ADCK1: variants seen among roughly 807,000 people sequenced by gnomAD.
ADCK1 encodes aarF domain containing kinase 1.
A neutral mutation model predicts 52.3 loss-of-function variants in ADCK1; 41 were observed. The ratio of observed to expected loss-of-function variants is 0.78; its 90% CI spans 0.61 to 1.02. The LOEUF (loss-of-function observed/expected upper bound fraction) is 1.02. Among genes scored for constraint, ADCK1 ranks in the 50% least tolerant of loss-of-function variants. The pLI is 0.00. For missense variants in ADCK1, 658 were observed against 679.5 expected (o/e 0.97, Z 0.35); for synonymous variants, 250 against 274.6 (o/e 0.91, Z 0.89).
chr14:77,826,305 A>T (rs554093121), intron 3 of ADCK1, among the ~76,000 whole-genome samples: 1 of 152,230 alleles, frequency 6.6e-6, no homozygotes, highest in Non-Finnish European at 1.5e-5. Flanking sequence ...AGTGAAGGGT[A>T]AAACATAGTT....
intron 6 of ADCK1, 24 bp downstream of exon 6, chr14:77,899,282 G>T: frequency 6.2e-7 from 1 of 1,613,068 alleles, no homozygotes; most frequent in South Asian, 1.1e-5. Context: ...TGCAATGCAG[G>T]GTATGGTGGT....
chr14:77,924,463 C>T lies in ADCK1; in HGVS notation c.865C>T (p.Arg289Cys), dbSNP rs755185469. The change falls in exon 8 of 11, where the codon CGC becomes TGC. Residue 289 changes from arginine to cysteine, a missense_variant. Physicochemically the swap from Arg to Cys is radical, Grantham distance 180. Transcript: ENST00000238561. ...RNKIDVNEIS[R>C]HLGKMYSEMI... is the part of the protein sequence containing the mutation. ...TGCCCCTCTTCTCTTTCAGATCTCA[C>T]GCCACCTGGGCAAGATGTATAGTGA... 1.6e-5 allele frequency: 26 copies of T among 1,613,848 alleles called. No individual in the cohort carries two copies. Among genetic ancestry groups the T allele is most frequent in the African/African-American group, 1.5e-4 (11 of 74,952 alleles).
Position 77,907,756 on chromosome 14 carries a change from G to C in ADCK1, c.742-47G>C, listed in dbSNP as rs117592165. The C allele has an allele frequency of 8.2e-6, 12 of 1,468,946 alleles. No individual in the cohort carries two copies. In the East Asian group the frequency reaches 9.2e-5, roughly 11 times the overall value. 91.0% of individuals were successfully genotyped at this position (1,468,946 alleles called of 1,614,324 possible). On this transcript the variant is annotated intron_variant, in intron 6 of 10. Coordinates refer to ENST00000238561, the MANE Select transcript of ADCK1 (RefSeq NM_020421.4). ...CTGTGCCACATTGTCATCCTTGCCC[G>C]ATTCCCAGCTTCCCCAGACCATCTG...
At chr14:77,869,268 T>A (rs1327651663) in intron 4 of ADCK1, among the ~76,000 whole-genome samples, 1 of 152,134 alleles carries the variant, frequency 6.6e-6, no homozygotes. Context: ...GCAGGGTGGG[T>A]TCCTTCTGAG....
rs979500063 is a variant in ADCK1 at position 77,923,620 on chromosome 14, C to G, written c.859-837C>G. 1 of 152,282 alleles carries G rather than the reference C, an allele frequency of 6.6e-6. No homozygotes were observed. The highest frequency in any genetic ancestry group is 2.4e-5 in the African/African-American group (1 of 41,464). 9.4% of individuals were successfully genotyped at this position (152,282 alleles called of 1,614,324 possible). ...TAGGGCAGCTTGTGTCCTGGCGTGTCAGCTTTCTGGGTCGAGCATCTCTTT... is the reference window on the plus strand; with the variant it reads ...TAGGGCAGCTTGTGTCCTGGCGTGTGAGCTTTCTGGGTCGAGCATCTCTTT... On this transcript the variant is annotated intron_variant, in intron 7 of 10. Coordinates refer to ENST00000238561, the MANE Select transcript of ADCK1 (RefSeq NM_020421.4). This position sits in a 1 kb window ranked among gnomAD's most constrained non-coding sequence, Gnocchi z 4.3.
At chr14:77,825,756 C>T (rs1271934319) in intron 3 of ADCK1, among the ~76,000 whole-genome samples, 4 of 151,782 alleles carry the variant, frequency 2.6e-5, no homozygotes, top group Non-Finnish European at 4.4e-5. Context: ...ATTCTCCTGC[C>T]TCAGCCTCCC....
At chr14:77,842,448 TTTCCTTCCTTCCTTCC>T (rs746756710) in intron 3 of ADCK1, among the ~76,000 whole-genome samples, 1,412 of 92,186 alleles carry the variant, frequency 0.015, 25 homozygotes, top group Middle Eastern at 0.036. Context: ...GGTATTTTTT[TTTCCTTCCTTCCTTCC>T]TTCCTTCCTT....
At chr14:77,833,061 G>A (rs1348872151) in intron 3 of ADCK1, among the ~76,000 whole-genome samples, 1 of 152,174 alleles carries the variant, frequency 6.6e-6, no homozygotes, top group Non-Finnish European at 1.5e-5. Flanking sequence ...TGAGGGTTGG[G>A]GGTAGGGGGG....
At chr14:77,897,966 T>TTTCA (rs1296699340) in intron 5 of ADCK1, among the ~76,000 whole-genome samples, 1 of 152,106 alleles carries the variant, frequency 6.6e-6, no homozygotes, top group Non-Finnish European at 1.5e-5. Context: ...GAAAATCATA[T>TTTCA]AACCCCTCAG....
rs754328923 is a variant in ADCK1, at chr14:77,813,556, G to A, written c.-11-5412G>A. ...AAACTCCTGACCTTGTGATCTGCCC[G>A]CCTTGGCGTCCCAAAGTGCTGGGAT... On this transcript the variant is annotated intron_variant, in intron 1 of 10. Transcript: ENST00000238561. Among the ~76,000 whole-genome samples, 10 of 152,162 alleles carry A rather than the reference G, an allele frequency of 6.6e-5. No individual in the cohort carries two copies. The South Asian group carries it at 1.2e-3, about 19-fold the overall frequency.
intron 1 of ADCK1, among the ~76,000 whole-genome samples, chr14:77,803,610 A>G (rs2139983473): frequency 6.6e-6 from 1 of 152,294 alleles, no homozygotes; most frequent in Non-Finnish European, 1.5e-5. Context: ...CATTGATTTG[A>G]CAATAAAACA....
At chr14:77,904,154 A>G (rs2140249027) in intron 6 of ADCK1, among the ~76,000 whole-genome samples, 1 of 152,318 alleles carries the variant, frequency 6.6e-6, no homozygotes, top group East Asian at 1.9e-4. Flanking sequence ...GGTGTGTATC[A>G]GAGCCCTCTG....
At chr14:77,900,085 AG>A (rs1452156807) in intron 6 of ADCK1, among the ~76,000 whole-genome samples, 4 of 129,908 alleles carry the variant, frequency 3.1e-5, no homozygotes, top group Non-Finnish European at 5.2e-5. Context: ...AAAAAAAAAA[AG>A]AAAATTCATC....
intron 3 of ADCK1, among the ~76,000 whole-genome samples, chr14:77,847,613 A>C (rs561791273): frequency 6.6e-6 from 1 of 152,280 alleles, no homozygotes; most frequent in East Asian, 1.9e-4. Context: ...TACCAGGGCC[A>C]GTGAGGCAGT....
intron 5 of ADCK1, 141 bp from the exon 6 acceptor site, chr14:77,898,959 T>C: frequency 8.8e-7 from 1 of 1,134,150 alleles, no homozygotes; most frequent in South Asian, 1.5e-5. Flanking sequence ...GCCTACTATG[T>C]TTCCCTCCTG....
chr14:77,840,398 C>T (rs1277477353), intron 3 of ADCK1, among the ~76,000 whole-genome samples: 3 of 152,026 alleles, frequency 2.0e-5, no homozygotes, highest in African/African-American at 4.8e-5. Flanking sequence ...CCCATTCCTC[C>T]ATCTTCAAAG....
At chr14:77,895,412 TACTCATTCATTC>T (rs2083387687) in intron 5 of ADCK1, among the ~76,000 whole-genome samples, 1 of 152,280 alleles carries the variant, frequency 6.6e-6, no homozygotes, top group Non-Finnish European at 1.5e-5. Flanking sequence ...TTCATTCATT[TACTCATTCATTC>T]ATTCATGTGA....
At chr14:77,830,983 C>A (rs1276357302) in intron 3 of ADCK1, among the ~76,000 whole-genome samples, 1 of 152,124 alleles carries the variant, frequency 6.6e-6, no homozygotes, top group Non-Finnish European at 1.5e-5. Context: ...GATGCAGGAC[C>A]CTGCCAGGTG....
rs1158394762 is a variant in ADCK1, at chr14:77,912,200, C to A, written c.858+4281C>A. Among the ~76,000 whole-genome samples, 2 of 152,164 alleles carry A rather than the reference C, an allele frequency of 1.3e-5. 1 individual carries two copies. Among genetic ancestry groups the A allele is most frequent in the African/African-American group, 4.8e-5 (2 of 41,428 alleles). ...TAATTTCTTAATCCCCAGTCCCTGG[C>A]TTTTAGGCTTTGCATGACTTGGTAG... On this transcript the variant is annotated intron_variant, in intron 7 of 10. Coordinates refer to ENST00000238561, the MANE Select transcript of ADCK1 (RefSeq NM_020421.4).
Sources: gnomAD v4.1 joint callset for allele counts (sites outside exome capture counted in the v4.1 genomes callset) on GRCh38, gnomAD v4.1.1 for gene constraint, Gnocchi (gnomAD v3.1) non-coding constraint, MANE v1.5 for transcripts, NCBI Gene and HGNC (gene_info 2026-07-23, HGNC 2026-07-21) for gene names.